Variants in PRKG2 observed in about 807,000 individuals in gnomAD.
PRKG2 encodes protein kinase cGMP-dependent 2.
PRKG2 carries 33 observed loss-of-function variants against 97.2 expected under a neutral mutation model. The observed-to-expected ratio is 0.34, with a 90% CI of 0.26 to 0.45. The LOEUF (loss-of-function observed/expected upper bound fraction) is 0.45, where lower values mean the gene tolerates loss of function less well. Ranked by LOEUF, PRKG2 falls within the 20% of genes least tolerant of loss-of-function variation. The pLI, the probability that PRKG2 is intolerant of heterozygous loss-of-function variation, is 1.00. For missense variants in PRKG2, 638 were observed against 900.0 expected (o/e 0.71, Z 3.73); for synonymous variants, 330 against 321.8 (o/e 1.03, Z -0.27).
chr4:81,191,825 AGACT>A (rs2110113112), intron 2 of PRKG2, among the ~76,000 whole-genome samples: 1 of 152,310 alleles, frequency 6.6e-6, no homozygotes, highest in African/African-American at 2.4e-5. Flanking sequence ...AAAATGAAAA[AGACT>A]GACTGAATGC....
intron 14 of PRKG2, among the ~76,000 whole-genome samples, chr4:81,115,856 A>G (rs902418598): frequency 2.6e-5 from 4 of 152,334 alleles, no homozygotes; most frequent in Non-Finnish European, 5.9e-5. Context: ...ACGTTTCTCA[A>G]TAAAGCTTTT....
intron 1 of PRKG2, among the ~76,000 whole-genome samples, chr4:81,206,958 T>G (rs1172377484): frequency 6.6e-6 from 1 of 152,238 alleles, no homozygotes; most frequent in African/African-American, 2.4e-5. Context: ...TGGTCATTAA[T>G]AAACATTAGC....
At chr4:81,153,942 T>C (rs1748690984) in intron 6 of PRKG2, among the ~76,000 whole-genome samples, 1 of 152,084 alleles carries the variant, frequency 6.6e-6, no homozygotes, top group African/African-American at 2.4e-5. Context: ...GGGCGAGGCA[T>C]TGCCTCACTC....
chr4:81,143,882 T>A (rs1747544548), intron 10 of PRKG2, among the ~76,000 whole-genome samples: 1 of 152,100 alleles, frequency 6.6e-6, no homozygotes, highest in Non-Finnish European at 1.5e-5. Context: ...TTTGAAAAAA[T>A]TCTAACTATA....
chr4:81,138,100 C>T (rs1033066224), intron 12 of PRKG2, among the ~76,000 whole-genome samples: 2 of 152,148 alleles, frequency 1.3e-5, no homozygotes, highest in Non-Finnish European at 2.9e-5. Flanking sequence ...GGATGCATGT[C>T]CCCAAAGAGA....
intron 2 of PRKG2, among the ~76,000 whole-genome samples, chr4:81,184,393 C>A (rs1003885371): frequency 6.6e-6 from 1 of 152,160 alleles, no homozygotes; most frequent in Non-Finnish European, 1.5e-5. Context: ...AGCAGACCTG[C>A]AGCAGAGGGG....
chr4:81,100,674 A>G (rs2109960159), intron 17 of PRKG2, among the ~76,000 whole-genome samples: 1 of 152,318 alleles, frequency 6.6e-6, no homozygotes, highest in Admixed American at 6.5e-5. Context: ...TTCATGTCTA[A>G]AACACCAAAA....
At chr4:81,093,916 T>C (rs1469676139) in intron 17 of PRKG2, among the ~76,000 whole-genome samples, 6 of 152,198 alleles carry the variant, frequency 3.9e-5, no homozygotes, top group Non-Finnish European at 4.4e-5. Context: ...TGATCTTTTC[T>C]ACTGGCACAC....
intron 8 of PRKG2, among the ~76,000 whole-genome samples, chr4:81,151,322 G>A (rs902272660): frequency 2.6e-5 from 4 of 151,926 alleles, no homozygotes; most frequent in Admixed American, 2.6e-4. Flanking sequence ...TTTATATTTA[G>A]GAAAATGCAT....
intron 17 of PRKG2, among the ~76,000 whole-genome samples, chr4:81,102,150 G>T (rs574579367): frequency 6.6e-6 from 1 of 152,258 alleles, no homozygotes; most frequent in East Asian, 1.9e-4. Context: ...TATTAAGAAG[G>T]AATAGACAAA....
intron 7 of PRKG2, 93 bp from the exon 8 acceptor site, chr4:81,152,147 T>C (rs1748466996): frequency 1.1e-6 from 1 of 910,804 alleles, no homozygotes; most frequent in Non-Finnish European, 1.7e-6. Context: ...TAGACCTATA[T>C]AAACTTGGAC....
chr4:81,203,508 T>A (rs187929392), intron 2 of PRKG2, among the ~76,000 whole-genome samples: 2 of 152,334 alleles, frequency 1.3e-5, no homozygotes, highest in African/African-American at 4.8e-5. Context: ...TTGTGAATGT[T>A]AAAATTTGTT....
rs534435497 is a variant in PRKG2, at chr4:81,144,446, T to A, written c.1155-116A>T. The stretch of plus-strand genomic sequence containing the variant: ...ATTCCTGACTTTATAAATCATTTTT[T>A]AAATAATTTATGAAATATTGAAGTT... On this transcript the variant is annotated intron_variant, in intron 9 of 18. Transcript: ENST00000264399. The A allele has an allele frequency of 1.2e-4, 90 of 751,538 alleles. No homozygotes were observed. The South Asian group carries it at 1.6e-3, about 13-fold the overall frequency. 46.6% of individuals were successfully genotyped at this position (751,538 alleles called of 1,614,324 possible).
intron 2 of PRKG2, among the ~76,000 whole-genome samples, chr4:81,194,775 C>G (rs774839496): frequency 2.0e-5 from 3 of 152,160 alleles, no homozygotes; most frequent in Non-Finnish European, 4.4e-5. Flanking sequence ...AAAAGGCAAA[C>G]AGTTCCTTTA....
Position 81,092,380 on chromosome 4 carries a change from C to G in PRKG2, c.2193+6G>C. 1.3e-6 allele frequency: 2 copies of G among 1,549,136 alleles called. No homozygotes were observed. The highest frequency in any genetic ancestry group is 1.8e-6 in the Non-Finnish European group (2 of 1,133,012). ...AAATAAAAAAGTAATATAATAAATA[C>G]AATACCTCTCTTTGCAAAGGTGATG... is the stretch of plus-strand genomic sequence containing the variant. On this transcript the variant is annotated splice_donor_region_variant and intron_variant, in intron 18 of 18. Coordinates refer to ENST00000264399, the MANE Select transcript of PRKG2 (RefSeq NM_006259.3).
chr4:81,139,060 A>C (rs987068288), intron 12 of PRKG2, among the ~76,000 whole-genome samples: 1 of 152,174 alleles, frequency 6.6e-6, no homozygotes, highest in Non-Finnish European at 1.5e-5. Flanking sequence ...GGGCATTATA[A>C]CATATATGAA....
intron 2 of PRKG2, among the ~76,000 whole-genome samples, chr4:81,178,783 A>T (rs1578476818): frequency 6.6e-6 from 1 of 152,084 alleles, no homozygotes. Context: ...CCCTGAAGAA[A>T]GAGAAATAAT....
chr4:81,189,192 T>C (rs1752241801), intron 2 of PRKG2, among the ~76,000 whole-genome samples: 1 of 124,910 alleles, frequency 8.0e-6, no homozygotes. Flanking sequence ...TAATTACATA[T>C]CTGTCTTATT....
At chr4:81,142,044 T>G (rs535375440) in intron 11 of PRKG2, among the ~76,000 whole-genome samples, 1 of 152,316 alleles carries the variant, frequency 6.6e-6, no homozygotes, top group African/African-American at 2.4e-5. Flanking sequence ...AAAGAAGGAC[T>G]CGGTAATTGC....
Sources: allele counts gnomAD v4.1 joint callset (sites outside exome capture counted in the v4.1 genomes callset), GRCh38; gene constraint gnomAD v4.1.1; transcripts MANE v1.5; gene names NCBI Gene and HGNC (gene_info 2026-07-23, HGNC 2026-07-21).